The following ASPG variants were observed in gnomAD, a reference collection of about 807,000 sequenced individuals.
The protein encoded by ASPG is asparaginase, also known as 60 kDa lysophospholipase.
A neutral mutation model predicts 63.2 loss-of-function variants in ASPG; 53 were observed. The ratio of observed to expected loss-of-function variants is 0.84; its 90% confidence interval spans 0.67 to 1.05. The LOEUF is 1.05. Among genes scored for constraint, ASPG ranks in the 50% least tolerant of loss-of-function variants. The pLI, the probability that ASPG is intolerant of heterozygous loss-of-function variation, is 0.00. For missense variants in ASPG, 741 were observed against 794.4 expected (o/e 0.93, Z 0.81); for synonymous variants, 370 against 355.0 (o/e 1.04, Z -0.48).
At position 104,113,133 on chromosome 14, in the gene ASPG, GC is replaced by G. The variant is rs1433819711; in HGVS notation, c.*595del. ...TGTCACCCCAGTATCGCTGCACCCG[GC>G]CCCCCTCTCAGGCCAGGGCCACACC... is the stretch of plus-strand genomic sequence containing the variant. On this transcript the variant is annotated 3_prime_UTR_variant, in exon 16 of 16. Transcript: ENST00000551177. The G allele has an allele frequency of 5.8e-6, 1 of 171,322 alleles. No homozygotes were observed. The highest frequency in any genetic ancestry group is 1.7e-4 in the East Asian group (1 of 6,058). The allele number at this position is 171,322 out of a possible 1,614,324, so 10.6% of individuals were successfully genotyped here. A position where few individuals can be genotyped will look rare whatever the true frequency, so the allele number is the denominator to read the frequency against.
intron 13 of ASPG, 87 bp from the exon 14 acceptor site, chr14:104,111,415 G>A (rs981188775): frequency 1.6e-5 from 20 of 1,257,596 alleles, no homozygotes; most frequent in Admixed American, 4.3e-5. Flanking sequence ...TTGTAAGAGC[G>A]TCCAGGCCAC....
intron 5 of ASPG, 107 bp from the exon 6 acceptor site, chr14:104,098,746 T>A (rs1441523485): frequency 1.1e-5 from 16 of 1,505,486 alleles, no homozygotes; most frequent in Non-Finnish European, 1.3e-5. Flanking sequence ...CAGTCCCACC[T>A]CCCCCTGGGT....
chr14:104,088,649 G>A (rs183169561), intron 1 of ASPG, among the ~76,000 whole-genome samples: 1 of 152,344 alleles, frequency 6.6e-6, no homozygotes, highest in Admixed American at 6.5e-5. Flanking sequence ...AGTCGAGAGT[G>A]TCAGTGGAGT....
chr14:104,106,587 G>A (rs1385657160), intron 10 of ASPG, among the ~76,000 whole-genome samples: 1 of 152,134 alleles, frequency 6.6e-6, no homozygotes, highest in African/African-American at 2.4e-5. Context: ...AGCTCCAGGG[G>A]AAGGGGTCCT....
Position 104,103,593 on chromosome 14 carries a change from G to A in ASPG, c.671G>A (p.Gly224Glu). ...INRELVRKVD[G>E]KAGLVVHSSM... The stretch of plus-strand genomic sequence containing the variant: ...AGGGAGCTGGTGCGGAAGGTGGACG[G>A]GAAGGCTGGGCTGGTGGTGCACAGC... Residue 224 changes from glycine (G) to glutamate (E), a missense_variant, in exon 7 of 16, where the codon GGG becomes GAG. By Grantham distance (98) the Gly-to-Glu change is moderately conservative (BLOSUM62 -2). Transcript: ENST00000551177. The A allele has an allele frequency of 6.5e-7, 1 of 1,548,164 alleles. No individual in the cohort carries two copies. The highest frequency in any genetic ancestry group is 1.4e-5 in the African/African-American group (1 of 73,096).
chr14:104,091,358 G>A lies in ASPG; in HGVS notation c.83-1275G>A, dbSNP rs374753676. ...GTCCTGGCTGTGCTCTGGGCGCCTC[G>A]GAGGGCAGACGGGCAGACAAACATG... On this transcript the variant is annotated intron_variant, in intron 1 of 15. Coordinates refer to ENST00000551177, the MANE Select transcript of ASPG (RefSeq NM_001080464.3). This position sits in a 1 kb window ranked among gnomAD's most constrained non-coding sequence, Gnocchi z 6.4. 7.9e-5 allele frequency among the ~76,000 whole-genome samples: 12 copies of A among 152,098 alleles called. No individual in the cohort carries two copies. Among genetic ancestry groups the A allele is most frequent in the East Asian group, 1.9e-4 (1 of 5,194 alleles).
intron 6 of ASPG, among the ~76,000 whole-genome samples, chr14:104,102,308 C>A (rs1250027334): frequency 6.6e-6 from 1 of 152,108 alleles, no homozygotes; most frequent in East Asian, 1.9e-4. Context: ...CCCACATCTC[C>A]CCCCTTCAGC....
intron 15 of ASPG, 120 bp from the exon 16 acceptor site, chr14:104,112,404 C>T: frequency 1.4e-6 from 1 of 723,938 alleles, no homozygotes; most frequent in Non-Finnish European, 2.5e-6. Flanking sequence ...CCCATAGTCT[C>T]AAGCTGGGTT....
chr14:104,109,196 GGGCAGAA>G lies in ASPG; in HGVS notation c.1434-30_1434-24del. On this transcript the variant is annotated intron_variant, in intron 12 of 15. Coordinates refer to ENST00000551177, the MANE Select transcript of ASPG (RefSeq NM_001080464.3). The surrounding 1 kb of genome is among the most constrained non-coding windows in gnomAD (Gnocchi z 4.8). Reference sequence around the variant, plus strand: ...AGGTGCAGCGGGGCTGGGCTGGCCAGGGCAGAAGGTCAGCATGCTCATTCTCACACAG... The same window carrying G: ...AGGTGCAGCGGGGCTGGGCTGGCCAGGGTCAGCATGCTCATTCTCACACAG... 1 of 1,609,980 alleles carries G rather than the reference GGGCAGAA, an allele frequency of 6.2e-7. No homozygotes were observed.
chr14:104,089,800 T>G (rs554117608), intron 1 of ASPG, among the ~76,000 whole-genome samples: 3 of 151,532 alleles, frequency 2.0e-5, no homozygotes, highest in Admixed American at 1.3e-4. Context: ...AATAAAAAAT[T>G]AGCTAGGTGT....
intron 2 of ASPG, 109 bp downstream of exon 2, chr14:104,092,850 G>T (rs777605817): frequency 1.1e-6 from 1 of 876,568 alleles, no homozygotes; most frequent in Admixed American, 2.1e-5. Flanking sequence ...GCTCACCCCT[G>T]TCTCTAACAT....
Position 104,110,703 on chromosome 14 carries a change from A to G in ASPG, c.1521-799A>G. The G allele has an allele frequency of 2.0e-6, 2 of 985,194 alleles. No individual in the cohort carries two copies. The highest frequency in any genetic ancestry group is 2.4e-6 in the Non-Finnish European group (2 of 829,836). The allele number at this position is 985,194 out of a possible 1,614,324, so 61.0% of individuals were successfully genotyped here. A position where few individuals can be genotyped will look rare whatever the true frequency, so the allele number is the denominator to read the frequency against. ...TTTCCTGGGTAGGCGCAGAGTCCCT[A>G]AGGGCCCTCCAGAGGAGGGGGCAGC... On this transcript the variant is annotated intron_variant, in intron 13 of 15. Transcript: ENST00000551177. This position sits in a 1 kb window ranked among gnomAD's most constrained non-coding sequence, Gnocchi z 4.7.
At chr14:104,111,340 G>A (rs867105499) in intron 13 of ASPG, among the ~76,000 whole-genome samples, 162 bp from the exon 14 acceptor site, 4 of 152,182 alleles carry the variant, frequency 2.6e-5, no homozygotes, top group Non-Finnish European at 5.9e-5. Context: ...CAGGCTGCCC[G>A]ATGGCCCCCA....
chr14:104,105,535 G>A, intron 10 of ASPG, 85 bp downstream of exon 10: 1 of 1,451,352 alleles, frequency 6.9e-7, no homozygotes. Flanking sequence ...GCAGGCACGA[G>A]CCCCTGTAGC....
intron 10 of ASPG, among the ~76,000 whole-genome samples, chr14:104,106,004 G>T (rs2037110413): frequency 6.6e-6 from 1 of 152,234 alleles, no homozygotes; most frequent in Admixed American, 6.5e-5. Flanking sequence ...AGGCCAGACA[G>T]CCTTGCTCCC....
At chr14:104,112,394 C>CAA in intron 15 of ASPG, 130 bp from the exon 16 acceptor site, 1 of 706,218 alleles carries the variant, frequency 1.4e-6, no homozygotes, top group Admixed American at 2.0e-5. Flanking sequence ...GTGTGGCCCT[C>CAA]CCATAGTCTC....
intron 5 of ASPG, among the ~76,000 whole-genome samples, chr14:104,097,840 TGC>T (rs1410207511): frequency 9.1e-5 from 13 of 143,522 alleles, no homozygotes; most frequent in Non-Finnish European, 1.3e-4. Flanking sequence ...ATGGAGGTTC[TGC>T]GTTAGAGATG....
In ASPG at chr14:104,112,671, G is replaced by T; in HGVS notation, c.*127G>T. 1 of 1,536,740 alleles carries T rather than the reference G, an allele frequency of 6.5e-7. No individual in the cohort carries two copies. On this transcript the variant is annotated 3_prime_UTR_variant, in exon 16 of 16. Transcript: ENST00000551177. ...TCTCATGTAAAGCCTGAAGGCCTTT[G>T]TTGGGCAGGACGGCAATAAAGTCTC...
intron 7 of ASPG, 89 bp downstream of exon 7, chr14:104,103,764 AC>A: frequency 8.5e-7 from 1 of 1,172,186 alleles, no homozygotes; most frequent in Non-Finnish European, 1.2e-6. Context: ...TGGGGCCCTC[AC>A]CAGCCAGTGC....
Sources: allele counts gnomAD v4.1 joint callset (sites outside exome capture counted in the v4.1 genomes callset), GRCh38; gene constraint gnomAD v4.1.1; non-coding constraint Gnocchi (gnomAD v3.1); transcripts MANE v1.5; gene names NCBI Gene and HGNC (gene_info 2026-07-23, HGNC 2026-07-21).